The following FIRRM variants were observed in gnomAD, a reference collection of about 807,000 sequenced individuals.
FIRRM encodes the protein FIGNL1-interacting regulator of recombination and mitosis.
chr1:169,793,557 T>C, the FIRRM span: 2 of 1,614,214 alleles, frequency 1.2e-6, no homozygotes, highest in Non-Finnish European at 1.7e-6. Flanking sequence ...GCAGAACATT[T>C]TCTGTCCCTC....
the FIRRM span, chr1:169,830,583 A>T: frequency 9.5e-7 from 1 of 1,049,218 alleles, no homozygotes. Context: ...GGTCATGGAA[A>T]TAATGGCAGT....
At chr1:169,792,424 A>C in the FIRRM span, 5 of 631,022 alleles carry the variant, frequency 7.9e-6, no homozygotes, top group Admixed American at 1.1e-4. Flanking sequence ...CTAGTGAGTA[A>C]AAGACTGGTA....
At chr1:169,808,070 A>T in the FIRRM span, 3 of 790,110 alleles carry the variant, frequency 3.8e-6, no homozygotes, top group African/African-American at 3.6e-5. Context: ...GATCTGTGGG[A>T]TTATTTATAT....
the FIRRM span, among the ~76,000 whole-genome samples, chr1:169,824,795 C>T: frequency 6.6e-6 from 1 of 152,156 alleles, no homozygotes; most frequent in Non-Finnish European, 1.5e-5. Context: ...GCAGGTTTCT[C>T]TTCTAAGTTA....
chr1:169,803,305 G>A, the FIRRM span: 1 of 1,613,310 alleles, frequency 6.2e-7, no homozygotes, highest in South Asian at 1.1e-5. Context: ...TTTGTGCATT[G>A]TAAGGTGAGT....
chr1:169,832,461 A>T, the FIRRM span: 1 of 1,613,764 alleles, frequency 6.2e-7, no homozygotes, highest in Non-Finnish European at 8.5e-7. Context: ...TCAACCTATC[A>T]ATACTGTTGA....
chr1:169,793,445 C>T, the FIRRM span: 1 of 1,614,232 alleles, frequency 6.2e-7, no homozygotes, highest in Non-Finnish European at 8.5e-7. Flanking sequence ...GTTCCTTGAA[C>T]TGCTGGCTGC....
At chr1:169,842,466 C>G in the FIRRM span, 1 of 1,613,820 alleles carries the variant, frequency 6.2e-7, no homozygotes, top group Non-Finnish European at 8.5e-7. Flanking sequence ...GCTGGTGAAG[C>G]TTTGGATACA....
the FIRRM span, among the ~76,000 whole-genome samples, chr1:169,816,920 A>G: frequency 1.3e-5 from 2 of 152,210 alleles, no homozygotes; most frequent in African/African-American, 2.4e-5. Context: ...GCAAATAACT[A>G]TATTGCTGTA....
At chr1:169,811,663 G>GATAGATAGATAATCTAAATAGATA in the FIRRM span, among the ~76,000 whole-genome samples, 1 of 151,040 alleles carries the variant, frequency 6.6e-6, no homozygotes, top group African/African-American at 2.4e-5. Context: ...TAGATAGATA[G>GATAGATAGATAATCTAAATAGATA]ATAGATAGAT....
chr1:169,788,411 T>G, the FIRRM span, among the ~76,000 whole-genome samples: 1 of 152,236 alleles, frequency 6.6e-6, no homozygotes, highest in Non-Finnish European at 1.5e-5. Flanking sequence ...CCTAATTTTT[T>G]AACACTTTCT....
At chr1:169,805,179 T>C in the FIRRM span, among the ~76,000 whole-genome samples, 70 of 152,346 alleles carry the variant, frequency 4.6e-4, no homozygotes, top group South Asian at 6.4e-3. Flanking sequence ...CACCTCAAAA[T>C]CTATTTATTC....
At chr1:169,846,609 C>G in the FIRRM span, among the ~76,000 whole-genome samples, 1 of 152,136 alleles carries the variant, frequency 6.6e-6, no homozygotes, top group Admixed American at 6.6e-5. Flanking sequence ...ACGGAGATTG[C>G]TTCTTAAACT....
the FIRRM span, among the ~76,000 whole-genome samples, chr1:169,840,315 G>A: frequency 6.6e-6 from 1 of 152,134 alleles, no homozygotes; most frequent in African/African-American, 2.4e-5. Flanking sequence ...GCTTTGGGCA[G>A]TATGGCCATT....
At chr1:169,810,190 T>C in the FIRRM span, among the ~76,000 whole-genome samples, 1 of 152,114 alleles carries the variant, frequency 6.6e-6, no homozygotes, top group African/African-American at 2.4e-5. Context: ...CTTAATAGTA[T>C]CACATTGGGT....
the FIRRM span, chr1:169,830,697 T>A: frequency 1.2e-6 from 2 of 1,613,524 alleles, no homozygotes; most frequent in Non-Finnish European, 1.7e-6. Flanking sequence ...ATATTGCAGA[T>A]ATGGGACTGC....
At chr1:169,832,536 C>G in the FIRRM span, 1 of 1,509,288 alleles carries the variant, frequency 6.6e-7, no homozygotes, top group South Asian at 1.1e-5. Flanking sequence ...TTGTCACTGT[C>G]TGTGAAGCTG....
the FIRRM span, chr1:169,853,373 C>A: frequency 3.0e-6 from 1 of 328,654 alleles, no homozygotes; most frequent in Non-Finnish European, 5.5e-6. Flanking sequence ...ATTAAGCTAA[C>A]CAGCTTGAAT....
chr1:169,832,736 T>C, the FIRRM span, among the ~76,000 whole-genome samples: 1 of 152,018 alleles, frequency 6.6e-6, no homozygotes, highest in African/African-American at 2.4e-5. Flanking sequence ...CCTGAGTAGC[T>C]GGGACTACAG....
Sources: allele counts gnomAD v4.1 joint callset (sites outside exome capture counted in the v4.1 genomes callset), GRCh38; gene constraint gnomAD v4.1.1; transcripts MANE v1.5; gene names NCBI Gene and HGNC (gene_info 2026-07-23, HGNC 2026-07-21).